FAT1: variants seen among roughly 807,000 people sequenced by gnomAD.
FAT1 encodes FAT atypical cadherin 1.
FAT1 carries 171 observed loss-of-function variants against 329.8 expected under a neutral mutation model. The ratio of observed to expected loss-of-function variants is 0.52; its 90% CI spans 0.46 to 0.59. The LOEUF is 0.59. FAT1 is among the 20% of genes least tolerant of loss of function. FAT1 has a pLI of 0.00. For missense variants in FAT1, 5,672 were observed against 5,774.4 expected (o/e 0.98, Z 0.57); for synonymous variants, 2,233 against 2,228.6 (o/e 1.00, Z -0.06).
chr4:186,677,237 C>T (rs1743002503), intron 2 of FAT1, among the ~76,000 whole-genome samples: 1 of 152,154 alleles, frequency 6.6e-6, no homozygotes, highest in African/African-American at 2.4e-5. Context: ...AAAACCAATA[C>T]CTGTAAGAAC....
chr4:186,712,578 G>A (rs1232975680), intron 1 of FAT1, among the ~76,000 whole-genome samples: 1 of 152,162 alleles, frequency 6.6e-6, no homozygotes, highest in African/African-American at 2.4e-5. Flanking sequence ...GAGTATATCC[G>A]ATGCTGATAA....
chr4:186,651,869 C>T (rs146513837), intron 3 of FAT1, among the ~76,000 whole-genome samples: 37 of 152,314 alleles, frequency 2.4e-4, no homozygotes, highest in African/African-American at 4.1e-4. Flanking sequence ...CAGCCGGCTG[C>T]GCGCTCTTTC....
intron 2 of FAT1, among the ~76,000 whole-genome samples, chr4:186,689,739 G>C (rs1185884307): frequency 2.0e-5 from 3 of 152,142 alleles, no homozygotes; most frequent in Non-Finnish European, 4.4e-5. Context: ...TCAACAGGCA[G>C]AACTACTTAA....
At chr4:186,662,841 ATT>A (rs34295738) in intron 3 of FAT1, among the ~76,000 whole-genome samples, 5 of 147,878 alleles carry the variant, frequency 3.4e-5, no homozygotes, top group African/African-American at 9.9e-5. Flanking sequence ...ATTTAAGCTA[ATT>A]TTTTTTTTTT....
chr4:186,683,741 G>A (rs887017293), intron 2 of FAT1, among the ~76,000 whole-genome samples: 1 of 151,984 alleles, frequency 6.6e-6, no homozygotes, highest in Non-Finnish European at 1.5e-5. Context: ...ACTTCTCCCT[G>A]TGGTCATGGA....
At chr4:186,692,377 A>C (rs1404831693) in intron 2 of FAT1, among the ~76,000 whole-genome samples, 3 of 152,164 alleles carry the variant, frequency 2.0e-5, no homozygotes, top group African/African-American at 7.2e-5. Context: ...CAGTGGCGCA[A>C]TCTCGGTTCA....
At position 186,619,981 on chromosome 4, in the gene FAT1, A is replaced by C; in HGVS notation, c.6605T>G (p.Val2202Gly). The change falls in exon 10 of 27, where the codon GTC becomes GGC. Residue 2202 changes from valine to glycine, a missense_variant. Physicochemically the swap from Val to Gly is moderately radical, Grantham distance 109. Coordinates refer to ENST00000441802, the MANE Select transcript of FAT1 (RefSeq NM_005245.4). Reference sequence around the variant, plus strand: ...TTCCGGGCTGTTAGCCTGCACGTGGACCACAGGGCTGTGCACCTGGATGCT... The same window carrying C: ...TTCCGGGCTGTTAGCCTGCACGTGGCCCACAGGGCTGTGCACCTGGATGCT... ...AESIQVHSPV[V>G]HVQANSPEGL... is the part of the protein sequence containing the mutation. 1 of 1,613,962 alleles carries C rather than the reference A, an allele frequency of 6.2e-7. No homozygotes were observed. Among genetic ancestry groups the C allele is most frequent in the Non-Finnish European group, 8.5e-7 (1 of 1,179,874 alleles).
intron 2 of FAT1, among the ~76,000 whole-genome samples, chr4:186,677,421 T>C (rs1023204955): frequency 6.6e-6 from 1 of 152,074 alleles, no homozygotes; most frequent in African/African-American, 2.4e-5. Flanking sequence ...TGGCTAAGAA[T>C]CTTCGTTAAG....
intron 26 of FAT1, chr4:186,590,478 G>C: frequency 1.9e-6 from 2 of 1,045,866 alleles, no homozygotes; most frequent in Non-Finnish European, 2.6e-6. Flanking sequence ...ATAAAGGTAA[G>C]TACACAGAAC....
rs755699033 is a variant in FAT1 at position 186,595,681 on chromosome 4, T to C, written c.13138+8A>G. On this transcript the variant is annotated splice_region_variant and intron_variant, in intron 26 of 26. Coordinates refer to ENST00000441802, the MANE Select transcript of FAT1 (RefSeq NM_005245.4). ...AAAGCGCAGTGTTGCAGCACACTGCTGCCTCACCATTGTCATCGCACGATT... is the reference window on the plus strand; with the variant it reads ...AAAGCGCAGTGTTGCAGCACACTGCCGCCTCACCATTGTCATCGCACGATT... 1 of 1,613,822 alleles carries C rather than the reference T, an allele frequency of 6.2e-7. No homozygotes were observed. Among genetic ancestry groups the C allele is most frequent in the Non-Finnish European group, 8.5e-7 (1 of 1,179,846 alleles).
chr4:186,618,037 T>G lies in FAT1; in HGVS notation c.8549A>C (p.Gln2850Pro). The G allele has an allele frequency of 6.2e-7, 1 of 1,614,078 alleles. No homozygotes were observed. Among genetic ancestry groups the G allele is most frequent in the Non-Finnish European group, 8.5e-7 (1 of 1,179,906 alleles). The change falls in exon 10 of 27, where the codon CAG (glutamine) becomes CCG (proline). Residue 2850 changes from glutamine to proline, a missense_variant. Gln to Pro is a moderately conservative substitution (Grantham distance 76, BLOSUM62 -1). This residue lies in a region of FAT1 where 3,966 missense variants were observed against 3,915.2 expected (regional missense o/e 1.01). Transcript: ENST00000441802. Reference sequence around the variant, plus strand: ...TTCAATGACTTCCACACTTTGTGACTGATCCAGGCTATACATAACTTGGCC... The same window carrying G: ...TTCAATGACTTCCACACTTTGTGACGGATCCAGGCTATACATAACTTGGCC... ...TNGQVMYSLD[Q>P]SQSVEVIESF...
Position 186,597,066 on chromosome 4 carries a change from C to G in FAT1, c.12474G>C (p.Arg4158Ser), listed in dbSNP as rs2126394378. The change falls in exon 25 of 27, where the codon AGG becomes AGC. Residue 4158 changes from arginine (R) to serine (S), a missense_variant. This residue lies in a region of FAT1 where 1,706 missense variants were observed against 1,859.1 expected (regional missense o/e 0.92). Transcript: ENST00000441802. ...SYHCNCSHEYRGRHCEDAAPN... is the reference protein window; with the variant it reads ...SYHCNCSHEYSGRHCEDAAPN... ...GCGCAGCATCCTCGCAGTGACGTCC[C>G]CTGTACTCGTGGCTGCAGTTGCAGT... 1 of 1,614,010 alleles carries G rather than the reference C, an allele frequency of 6.2e-7. No homozygotes were observed. Among genetic ancestry groups the G allele is most frequent in the South Asian group, 1.1e-5 (1 of 91,076 alleles).
At chr4:186,673,178 C>T (rs13101997) in intron 2 of FAT1, among the ~76,000 whole-genome samples, 1 of 152,050 alleles carries the variant, frequency 6.6e-6, no homozygotes. Context: ...CTGAAATAAA[C>T]AAGGTGATCA....
At chr4:186,683,843 T>C (rs923102761) in intron 2 of FAT1, among the ~76,000 whole-genome samples, 7 of 151,936 alleles carry the variant, frequency 4.6e-5, no homozygotes, top group African/African-American at 1.7e-4. Context: ...CTATGAAAAA[T>C]GTAAAAGTGG....
At chr4:186,662,650 G>A (rs951517576) in intron 3 of FAT1, among the ~76,000 whole-genome samples, 3 of 152,118 alleles carry the variant, frequency 2.0e-5, no homozygotes, top group Non-Finnish European at 4.4e-5. Context: ...ACAAAAAGCC[G>A]ACTTAGGACA....
intron 2 of FAT1, among the ~76,000 whole-genome samples, chr4:186,678,563 T>C (rs998523762): frequency 2.0e-5 from 3 of 148,848 alleles, no homozygotes; most frequent in Non-Finnish European, 3.0e-5. Context: ...ATATATTACA[T>C]ATATTGTCAT....
At chr4:186,696,575 A>G (rs1232867111) in intron 2 of FAT1, among the ~76,000 whole-genome samples, 1 of 152,236 alleles carries the variant, frequency 6.6e-6, no homozygotes, top group Non-Finnish European at 1.5e-5. Context: ...AGTAATGTCA[A>G]GCAGCCCTAA....
rs1478772638 is a variant in FAT1, at chr4:186,600,352, A to G, written c.11649T>C (p.His3883=). Residue 3883 remains histidine (H), a synonymous_variant, in exon 22 of 27, where the codon CAT becomes CAC. Transcript: ENST00000441802. ...GTDYSILEIH[H]GRLQYKFDCG... is the part of the protein sequence containing the mutation. ...AGTCAAACTTGTACTGCAGCCTTCCATGATGAATCTAGGATAAAAGCAATG... is the reference window on the plus strand; with the variant it reads ...AGTCAAACTTGTACTGCAGCCTTCCGTGATGAATCTAGGATAAAAGCAATG... 5 of 1,610,282 alleles carry G rather than the reference A, an allele frequency of 3.1e-6. No individual in the cohort carries two copies. Among genetic ancestry groups the G allele is most frequent in the South Asian group, 2.2e-5 (2 of 90,302 alleles).
chr4:186,642,654 C>T (rs1579374949), intron 3 of FAT1, among the ~76,000 whole-genome samples: 1 of 152,110 alleles, frequency 6.6e-6, no homozygotes, highest in African/African-American at 2.4e-5. Flanking sequence ...CAATGGGTGG[C>T]TACGTGCTGC....
Sources: allele counts gnomAD v4.1 joint callset (sites outside exome capture counted in the v4.1 genomes callset), GRCh38; gene constraint gnomAD v4.1.1; regional missense constraint gnomAD v4.1.1; transcripts MANE v1.5; gene names NCBI Gene and HGNC (gene_info 2026-07-23, HGNC 2026-07-21).